Variants in GLCCI1 observed in about 807,000 individuals in gnomAD.
GLCCI1 encodes the protein glucocorticoid induced 1, also known as glucocorticoid-induced transcript 1 protein.
GLCCI1 carries 24 observed loss-of-function variants against 52.2 expected under a neutral mutation model. The ratio of observed to expected loss-of-function variants is 0.46; its 90% confidence interval spans 0.33 to 0.65. The LOEUF is 0.65. Among genes scored for constraint, GLCCI1 ranks in the 30% least tolerant of loss-of-function variants. The pLI is 0.02. For missense variants in GLCCI1, 704 were observed against 701.5 expected (o/e 1.00, Z -0.04); for synonymous variants, 310 against 276.5 (o/e 1.12, Z -1.20).
chr7:8,080,689 G>A (rs1782975941), intron 6 of GLCCI1, among the ~76,000 whole-genome samples: 1 of 147,144 alleles, frequency 6.8e-6, no homozygotes, highest in African/African-American at 2.7e-5. Flanking sequence ...TCAAGAGGGA[G>A]CAGAATAGGC....
At chr7:7,998,520 G>A (rs1242807711) in intron 1 of GLCCI1, among the ~76,000 whole-genome samples, 1 of 152,078 alleles carries the variant, frequency 6.6e-6, no homozygotes, top group Non-Finnish European at 1.5e-5. Context: ...AGGCTCAGGA[G>A]GTAGCTTTTA....
rs539930019 is a variant in GLCCI1 at position 7,983,277 on chromosome 7, A to G, written c.457+13470A>G. 6.6e-5 allele frequency among the ~76,000 whole-genome samples: 10 copies of G among 152,068 alleles called. No homozygotes were observed. In the East Asian group the frequency reaches 1.9e-3, roughly 29 times the overall value. ...GAAATAGGGAGGTATAGGAAAAGTA[A>G]TGAAATGAATTATAATTAATATTTG... On this transcript the variant is annotated intron_variant, in intron 1 of 7. Transcript: ENST00000223145.
chr7:8,009,370 G>A (rs1033989081), intron 2 of GLCCI1, among the ~76,000 whole-genome samples: 3 of 152,104 alleles, frequency 2.0e-5, no homozygotes, highest in African/African-American at 7.2e-5. Context: ...TTTTAAATGC[G>A]AAAGTAATAT....
chr7:7,992,750 A>T (rs1780867604), intron 1 of GLCCI1, among the ~76,000 whole-genome samples: 1 of 151,892 alleles, frequency 6.6e-6, no homozygotes, highest in South Asian at 2.1e-4. Context: ...TTTCTCTTGA[A>T]ATCTTGTCTC....
chr7:8,083,097 G>T (rs1783031734), intron 6 of GLCCI1, among the ~76,000 whole-genome samples: 1 of 152,170 alleles, frequency 6.6e-6, no homozygotes, highest in African/African-American at 2.4e-5. Flanking sequence ...GGCATCTCAT[G>T]CCATATCTAC....
chr7:8,060,319 G>C (rs1255670389), intron 5 of GLCCI1, 71 bp downstream of exon 5: 3 of 1,203,450 alleles, frequency 2.5e-6, no homozygotes, highest in East Asian at 4.8e-5. Context: ...GTACTTTCTT[G>C]GTAACAGCTT....
At position 7,969,286 on chromosome 7, in the gene GLCCI1, G is replaced by A. The variant is rs1429544069; in HGVS notation, c.-65G>A. 62 of 1,160,874 alleles carry A rather than the reference G, an allele frequency of 5.3e-5. No individual in the cohort carries two copies. In the East Asian group the frequency reaches 4.4e-3, roughly 83 times the overall value. The allele number at this position is 1,160,874 out of a possible 1,614,324, so 71.9% of individuals were successfully genotyped here. ...CGCACTATCGCGCCGGCTCCCACACGCTCGCGCGCCTCCCGCCCCGCGCCT... is the reference window on the plus strand; with the variant it reads ...CGCACTATCGCGCCGGCTCCCACACACTCGCGCGCCTCCCGCCCCGCGCCT... On this transcript the variant is annotated 5_prime_UTR_variant, in exon 1 of 8. Coordinates refer to ENST00000223145, the MANE Select transcript of GLCCI1 (RefSeq NM_138426.4). This position sits in a 1 kb window ranked among gnomAD's most constrained non-coding sequence, Gnocchi z 4.9.
chr7:8,046,330 G>T (rs943020696), intron 3 of GLCCI1, among the ~76,000 whole-genome samples: 1 of 152,204 alleles, frequency 6.6e-6, no homozygotes, highest in Non-Finnish European at 1.5e-5. Context: ...TCTCGTCCAG[G>T]AACTGAAAGT....
chr7:8,036,277 A>G (rs1056522164), intron 3 of GLCCI1, among the ~76,000 whole-genome samples: 2 of 152,236 alleles, frequency 1.3e-5, no homozygotes, highest in African/African-American at 4.8e-5. Flanking sequence ...TTGAGAAGCC[A>G]TCACACAAAG....
chr7:8,007,851 T>C (rs550806966), intron 2 of GLCCI1, among the ~76,000 whole-genome samples: 1 of 152,266 alleles, frequency 6.6e-6, no homozygotes, highest in African/African-American at 2.4e-5. Context: ...TAAAAAGAAG[T>C]AGCATAATGT....
chr7:8,000,533 A>T (rs974654698), intron 1 of GLCCI1, among the ~76,000 whole-genome samples: 6 of 152,188 alleles, frequency 3.9e-5, no homozygotes, highest in African/African-American at 1.4e-4. Flanking sequence ...TAAGTGGGAT[A>T]AGCTCACCTT....
chr7:8,077,548 C>T (rs563470173), intron 6 of GLCCI1, among the ~76,000 whole-genome samples: 1 of 152,312 alleles, frequency 6.6e-6, no homozygotes, highest in Admixed American at 6.5e-5. Flanking sequence ...TGCCCTTGGA[C>T]AAGCTACTCA....
intron 1 of GLCCI1, among the ~76,000 whole-genome samples, chr7:7,982,551 A>T (rs960450328): frequency 6.6e-6 from 1 of 152,194 alleles, no homozygotes; most frequent in Admixed American, 6.5e-5. Flanking sequence ...AGGCAAAGGG[A>T]TAATAAATAT....
At chr7:8,056,367 T>C (rs1017771688) in intron 4 of GLCCI1, among the ~76,000 whole-genome samples, 1 of 152,208 alleles carries the variant, frequency 6.6e-6, no homozygotes, top group African/African-American at 2.4e-5. Flanking sequence ...CTGACCTGGA[T>C]TGAAATCTTT....
chr7:8,049,146 T>C (rs1248894905), intron 3 of GLCCI1, among the ~76,000 whole-genome samples: 1 of 152,148 alleles, frequency 6.6e-6, no homozygotes, highest in Non-Finnish European at 1.5e-5. Context: ...GATGGAACCA[T>C]CTGAAGGAGT....
At position 8,084,709 on chromosome 7, in the gene GLCCI1, CTG is replaced by C. The variant is rs987859414; in HGVS notation, c.1178-186_1178-185del. ...TTATGTTCTATGGTGTGGCAGATGA[CTG>C]TTGCATTGCAGTTTTTATTTAGAAG... On this transcript the variant is annotated intron_variant, in intron 6 of 7. Coordinates refer to ENST00000223145, the MANE Select transcript of GLCCI1 (RefSeq NM_138426.4). 4 of 528,942 alleles carry C rather than the reference CTG, an allele frequency of 7.6e-6. No homozygotes were observed. In the African/African-American group the frequency reaches 7.8e-5, roughly 10 times the overall value. The allele number at this position is 528,942 out of a possible 1,614,324, so 32.8% of individuals were successfully genotyped here.
At chr7:7,980,923 C>A in intron 1 of GLCCI1, 1 of 600,202 alleles carries the variant, frequency 1.7e-6, no homozygotes, top group South Asian at 1.7e-5. Flanking sequence ...AATCCCTGAT[C>A]AATCACCAGA....
At chr7:8,074,251 T>C (rs199706400) in intron 6 of GLCCI1, among the ~76,000 whole-genome samples, 2 of 23,444 alleles carry the variant, frequency 8.5e-5, no homozygotes, top group Non-Finnish European at 2.3e-4. Flanking sequence ...AAATACACTA[T>C]TATACAGTGA....
At chr7:8,064,174 G>A (rs1031560520) in intron 5 of GLCCI1, among the ~76,000 whole-genome samples, 10 of 152,106 alleles carry the variant, frequency 6.6e-5, no homozygotes, top group African/African-American at 2.2e-4. Context: ...TGAAATCTTT[G>A]CCAGGTCCTG....
Sources: allele counts gnomAD v4.1 joint callset (sites outside exome capture counted in the v4.1 genomes callset), GRCh38; gene constraint gnomAD v4.1.1; non-coding constraint Gnocchi (gnomAD v3.1); transcripts MANE v1.5; gene names NCBI Gene and HGNC (gene_info 2026-07-23, HGNC 2026-07-21).